Variants in REDIC1 observed in about 807,000 individuals in gnomAD.
REDIC1 encodes HEI10 Interacting Protein 1.
chr12:39,711,850 C>CATGTGTAT, the REDIC1 span, among the ~76,000 whole-genome samples: 1 of 77,132 alleles, frequency 1.3e-5, no homozygotes, highest in East Asian at 3.9e-4. Context: ...TATACACATG[C>CATGTGTAT]ATGTGTATGT....
At chr12:39,667,763 A>G in the REDIC1 span, among the ~76,000 whole-genome samples, 455 of 152,284 alleles carry the variant, frequency 3.0e-3, 4 homozygotes, top group Non-Finnish European at 5.2e-3. Flanking sequence ...TATTGGGTGC[A>G]TATATATTTA....
the REDIC1 span, among the ~76,000 whole-genome samples, chr12:39,873,736 T>A: frequency 6.6e-6 from 1 of 151,760 alleles, no homozygotes; most frequent in East Asian, 1.9e-4. Flanking sequence ...GAAAGGAGAG[T>A]AGTATAAAAC....
the REDIC1 span, among the ~76,000 whole-genome samples, chr12:39,713,075 G>A: frequency 6.9e-6 from 1 of 145,674 alleles, no homozygotes; most frequent in Non-Finnish European, 1.5e-5. Context: ...GTATACACGT[G>A]CATACGTGTA....
At chr12:39,832,951 A>G in the REDIC1 span, among the ~76,000 whole-genome samples, 1 of 152,116 alleles carries the variant, frequency 6.6e-6, no homozygotes, top group African/African-American at 2.4e-5. Context: ...ACCAGCCTCA[A>G]ACGGATTCTC....
chr12:39,700,052 G>A, the REDIC1 span, among the ~76,000 whole-genome samples: 592 of 152,240 alleles, frequency 3.9e-3, 4 homozygotes, highest in African/African-American at 0.013. Context: ...CCAAAGGAAC[G>A]CAGTTCCTCA....
At chr12:39,881,300 T>C in the REDIC1 span, among the ~76,000 whole-genome samples, 3 of 152,034 alleles carry the variant, frequency 2.0e-5, no homozygotes, top group Non-Finnish European at 4.4e-5. Flanking sequence ...CTGGAATTCA[T>C]AGATGACAAT....
chr12:39,892,726 A>G, the REDIC1 span, among the ~76,000 whole-genome samples: 1 of 152,214 alleles, frequency 6.6e-6, no homozygotes, highest in Non-Finnish European at 1.5e-5. Context: ...AAAATAAACA[A>G]TATCAAATTT....
chr12:39,841,540 G>GTA, the REDIC1 span, among the ~76,000 whole-genome samples: 1 of 151,978 alleles, frequency 6.6e-6, no homozygotes, highest in Non-Finnish European at 1.5e-5. Flanking sequence ...AAGATAACAT[G>GTA]TATATAAATG....
At chr12:39,825,073 C>T in the REDIC1 span, among the ~76,000 whole-genome samples, 12 of 152,138 alleles carry the variant, frequency 7.9e-5, no homozygotes, top group African/African-American at 2.7e-4. Context: ...TGAATGAATA[C>T]GGTAAACAAT....
chr12:39,830,812 A>G, the REDIC1 span, among the ~76,000 whole-genome samples: 2 of 152,212 alleles, frequency 1.3e-5, no homozygotes, highest in Non-Finnish European at 2.9e-5. Context: ...TTCAGCAAAG[A>G]TATACTGAGT....
the REDIC1 span, among the ~76,000 whole-genome samples, chr12:39,714,650 A>G: frequency 1.3e-5 from 2 of 151,884 alleles, no homozygotes; most frequent in South Asian, 4.1e-4. Flanking sequence ...GCTGTTTTCC[A>G]TAGTGGCTGT....
chr12:39,857,007 G>A, the REDIC1 span, among the ~76,000 whole-genome samples: 1 of 152,162 alleles, frequency 6.6e-6, no homozygotes. Flanking sequence ...TGTTTATGCA[G>A]ATGCTATTTT....
chr12:39,691,933 C>T, the REDIC1 span: 1 of 889,136 alleles, frequency 1.1e-6, no homozygotes, highest in South Asian at 2.3e-5. Context: ...CCATGTTGAA[C>T]TGAAGTAATG....
chr12:39,743,724 C>T, the REDIC1 span, among the ~76,000 whole-genome samples: 2,129 of 152,064 alleles, frequency 0.014, 49 homozygotes, highest in African/African-American at 0.048. Context: ...ATAGACTGGA[C>T]GCAGCTCAGG....
At chr12:39,653,560 TCTTCTTCTTCTTTTTCTTCCTCTTC>T in the REDIC1 span, among the ~76,000 whole-genome samples, 2 of 104,248 alleles carry the variant, frequency 1.9e-5, no homozygotes, top group African/African-American at 6.6e-5. Flanking sequence ...TCTTCTTCTT[TCTTCTTCTTCTTTTTCTTCCTCTTC>T]TTCTTCCTCT....
At chr12:39,663,300 C>CAT in the REDIC1 span, among the ~76,000 whole-genome samples, 8 of 151,620 alleles carry the variant, frequency 5.3e-5, no homozygotes, top group Admixed American at 1.3e-4. Flanking sequence ...GTGTTGGGTG[C>CAT]ATATATATAT....
At chr12:39,724,739 G>T in the REDIC1 span, among the ~76,000 whole-genome samples, 1 of 152,034 alleles carries the variant, frequency 6.6e-6, no homozygotes, top group African/African-American at 2.4e-5. Flanking sequence ...TAATATGTGG[G>T]CAAAGTGGCA....
At chr12:39,840,768 C>A in the REDIC1 span, among the ~76,000 whole-genome samples, 1 of 152,044 alleles carries the variant, frequency 6.6e-6, no homozygotes, top group African/African-American at 2.4e-5. Flanking sequence ...GCTGTGTTTG[C>A]TTTCCCTTAC....
chr12:39,714,824 G>C, the REDIC1 span, among the ~76,000 whole-genome samples: 1 of 151,840 alleles, frequency 6.6e-6, no homozygotes, highest in South Asian at 2.1e-4. Flanking sequence ...GTGATATTGA[G>C]CATTTTTTCA....
Sources: gnomAD v4.1 joint callset for allele counts (sites outside exome capture counted in the v4.1 genomes callset) on GRCh38, gnomAD v4.1.1 for gene constraint, MANE v1.5 for transcripts, NCBI Gene and HGNC (gene_info 2026-07-23, HGNC 2026-07-21) for gene names.